The following KDM5A variants were observed in gnomAD, a reference collection of about 807,000 sequenced individuals.
KDM5A encodes the protein lysine demethylase 5A, also known as lysine-specific demethylase 5A.
Under a neutral mutation model 193.5 loss-of-function variants are expected in KDM5A, and 42 were observed. The observed-to-expected ratio is 0.22, with a 90% CI of 0.17 to 0.28. The LOEUF (loss-of-function observed/expected upper bound fraction) is 0.28, where lower values mean the gene tolerates loss of function less well. Ranked by LOEUF, KDM5A falls within the 10% of genes least tolerant of loss-of-function variation. The pLI, the probability that KDM5A is intolerant of heterozygous loss-of-function variation, is 1.00. For synonymous variants in KDM5A, 796 were observed against 718.1 expected (o/e 1.11, Z -1.73); for missense variants, 1,692 against 2,055.1 (o/e 0.82, Z 3.42).
intron 26 of KDM5A, among the ~76,000 whole-genome samples, chr12:293,703 C>A (rs1054473992): frequency 7.3e-6 from 1 of 137,916 alleles, no homozygotes; most frequent in Non-Finnish European, 1.5e-5. Flanking sequence ...GGCTTGATCC[C>A]GGGAGGCGGA....
chr12:309,985 T>C, intron 21 of KDM5A, 21 bp from the exon 22 acceptor site: 1 of 1,610,558 alleles, frequency 6.2e-7, no homozygotes, highest in African/African-American at 1.3e-5. Context: ...AAAACCACCA[T>C]TATAAACTCT....
At chr12:342,023 A>G (rs561144190) in intron 10 of KDM5A, among the ~76,000 whole-genome samples, 8 of 152,306 alleles carry the variant, frequency 5.3e-5, no homozygotes, top group Non-Finnish European at 7.4e-5. Context: ...AGACTAAACA[A>G]TCAAAAAGCA....
chr12:388,477 C>T (rs1170285875), intron 1 of KDM5A: 2 of 374,326 alleles, frequency 5.3e-6, no homozygotes, highest in Non-Finnish European at 1.0e-5. Context: ...GTAATACCAT[C>T]CGGTGAGACT....
intron 3 of KDM5A, among the ~76,000 whole-genome samples, chr12:376,174 A>C (rs1487701648): frequency 6.6e-6 from 1 of 152,206 alleles, no homozygotes; most frequent in Non-Finnish European, 1.5e-5. Context: ...CCCTGCCCCC[A>C]GAGGTGGAGT....
chr12:288,275 G>C (rs987011104), intron 27 of KDM5A, among the ~76,000 whole-genome samples: 7 of 152,072 alleles, frequency 4.6e-5, no homozygotes, highest in Non-Finnish European at 7.4e-5. Context: ...CACAGAATTT[G>C]GATAACTGTA....
intron 22 of KDM5A, among the ~76,000 whole-genome samples, 166 bp from the exon 23 acceptor site, chr12:308,171 T>C (rs1943537015): frequency 6.6e-6 from 1 of 152,278 alleles, no homozygotes; most frequent in South Asian, 2.1e-4. Flanking sequence ...AAGTGTGAAA[T>C]GGGCAAAGTG....
intron 10 of KDM5A, among the ~76,000 whole-genome samples, chr12:346,775 A>G (rs932366939): frequency 1.3e-5 from 2 of 152,214 alleles, no homozygotes; most frequent in Admixed American, 1.3e-4. Flanking sequence ...TCAAAATAAT[A>G]AGAGCTATTT....
chr12:356,076 T>A (rs1216356117), intron 6 of KDM5A, among the ~76,000 whole-genome samples: 1 of 152,200 alleles, frequency 6.6e-6, no homozygotes, highest in Non-Finnish European at 1.5e-5. Flanking sequence ...TCTAAACTTC[T>A]CCCAGTGTAT....
chr12:383,278 A>T (rs1435629059), intron 3 of KDM5A, among the ~76,000 whole-genome samples: 9 of 152,108 alleles, frequency 5.9e-5, no homozygotes, highest in African/African-American at 2.2e-4. Flanking sequence ...GCAGTGGCGC[A>T]ATCACAGCTC....
At chr12:359,766 A>G (rs1031205371) in intron 5 of KDM5A, among the ~76,000 whole-genome samples, 621 of 38,292 alleles carry the variant, frequency 0.016, no homozygotes, top group African/African-American at 0.021. Context: ...GGTGGGGGGG[A>G]GTGGGAGGGA....
chr12:347,832 C>A (rs1944098121), intron 10 of KDM5A, among the ~76,000 whole-genome samples: 1 of 152,148 alleles, frequency 6.6e-6, no homozygotes, highest in African/African-American at 2.4e-5. Context: ...CTAGGCAATA[C>A]CATTCAGGAC....
Position 354,133 on chromosome 12 carries a change from A to T in KDM5A, c.972T>A (p.Ile324=), listed in dbSNP as rs753464112. The change falls in exon 8 of 28, where the codon ATT becomes ATA. Residue 324 remains isoleucine, a synonymous_variant. Coordinates refer to ENST00000399788, the MANE Select transcript of KDM5A (RefSeq NM_001042603.3). The part of the protein sequence containing the change: ...CDDSYHTFCL[I]PPLPDVPKGD... The stretch of plus-strand genomic sequence containing the variant: ...CTTTGGGCACATCAGGTAGTGGAGG[A>T]ATTAGACAAAATGTATGATAGCTGT... The T allele has an allele frequency of 6.2e-7, 1 of 1,613,322 alleles. No homozygotes were observed. The highest frequency in any genetic ancestry group is 2.2e-5 in the East Asian group (1 of 44,884).
intron 3 of KDM5A, among the ~76,000 whole-genome samples, chr12:369,118 T>C (rs993556694): frequency 6.6e-6 from 1 of 152,164 alleles, no homozygotes; most frequent in South Asian, 2.1e-4. Context: ...GTTGAACACA[T>C]CTCTTTAGTT....
At chr12:334,476 T>C (rs1365306183) in intron 10 of KDM5A, 54 bp from the exon 11 acceptor site, 14 of 1,483,372 alleles carry the variant, frequency 9.4e-6, no homozygotes, top group Admixed American at 1.7e-5. Context: ...AAGTGCTCAA[T>C]AGAAATGCCA....
Position 350,661 on chromosome 12 carries a change from G to A in KDM5A, c.1268C>T (p.Pro423Leu), listed in dbSNP as rs772550693. The A allele has an allele frequency of 5.6e-6, 9 of 1,614,000 alleles. No homozygotes were observed. Among genetic ancestry groups the A allele is most frequent in the Admixed American group, 5.0e-5 (3 of 60,000 alleles). ...ISSKDFGSGF[P>L]VKDGRRKILP... is the part of the protein sequence containing the mutation. Reference sequence around the variant, plus strand: ...AATCTTTCTCCGCCCATCCTTCACCGGAAATCCACTTCCAAAGTCTTTTGA... The same window carrying A: ...AATCTTTCTCCGCCCATCCTTCACCAGAAATCCACTTCCAAAGTCTTTTGA... Residue 423 changes from proline (P) to leucine (L), a missense_variant, in exon 10 of 28, where the codon CCG (proline) becomes CTG (leucine). Coordinates refer to ENST00000399788, the MANE Select transcript of KDM5A (RefSeq NM_001042603.3).
chr12:313,235 C>A, intron 19 of KDM5A, 41 bp from the exon 20 acceptor site: 1 of 1,607,716 alleles, frequency 6.2e-7, no homozygotes, highest in South Asian at 1.1e-5. Flanking sequence ...CATGAGAAAT[C>A]AACATTTAAG....
intron 3 of KDM5A, among the ~76,000 whole-genome samples, chr12:383,809 C>T (rs768382835): frequency 2.6e-5 from 4 of 151,518 alleles, no homozygotes; most frequent in Admixed American, 6.6e-5. Flanking sequence ...AGTACAATGG[C>T]GCGATCTCAG....
chr12:333,374 G>A (rs1470471143), intron 12 of KDM5A, 113 bp downstream of exon 12: 48 of 1,145,564 alleles, frequency 4.2e-5, no homozygotes, highest in South Asian at 3.0e-4. Flanking sequence ...AGCAATCATC[G>A]TGCCGCTGCA....
intron 6 of KDM5A, 115 bp from the exon 7 acceptor site, chr12:355,364 A>G (rs1944219079): frequency 1.4e-6 from 1 of 710,020 alleles, no homozygotes; most frequent in Non-Finnish European, 2.6e-6. Flanking sequence ...GTTTATCTAG[A>G]GGTAGATATA....
Sources: allele counts gnomAD v4.1 joint callset (sites outside exome capture counted in the v4.1 genomes callset), GRCh38; gene constraint gnomAD v4.1.1; transcripts MANE v1.5; gene names NCBI Gene and HGNC (gene_info 2026-07-23, HGNC 2026-07-21).